Variants in TPST1 observed in about 807,000 individuals in gnomAD.
TPST1 encodes the protein protein-tyrosine sulfotransferase 1.
A neutral mutation model predicts 34.8 loss-of-function variants in TPST1; 20 were observed. That is an observed-to-expected ratio of 0.57 (90% confidence interval 0.40 to 0.84). The LOEUF (loss-of-function observed/expected upper bound fraction) is 0.84. Ranked by LOEUF, TPST1 falls within the 40% of genes least tolerant of loss-of-function variation. TPST1 has a pLI of 0.00. For missense variants in TPST1, 353 were observed against 455.5 expected, an observed-to-expected ratio of 0.78 and a Z score of 2.05; for synonymous variants, 152 against 159.4, an observed-to-expected ratio of 0.95 and a Z score of 0.35.
At chr7:66,293,622 A>G (rs1381372374) in intron 3 of TPST1, among the ~76,000 whole-genome samples, 2 of 152,222 alleles carry the variant, frequency 1.3e-5, no homozygotes, top group Non-Finnish European at 2.9e-5. Context: ...TATTTTGCTC[A>G]GTTTCTAGGA....
chr7:66,222,755 G>A (rs1257333186), intron 1 of TPST1, among the ~76,000 whole-genome samples: 1 of 152,074 alleles, frequency 6.6e-6, no homozygotes, highest in Non-Finnish European at 1.5e-5. Context: ...GGGAGGTGAA[G>A]GTAAAGGTGG....
At chr7:66,325,785 G>C (rs1297868173) in intron 3 of TPST1, among the ~76,000 whole-genome samples, 1 of 151,500 alleles carries the variant, frequency 6.6e-6, no homozygotes, top group African/African-American at 2.4e-5. Context: ...ACAGGCACCC[G>C]CCTCCATGCC....
At chr7:66,352,791 A>G in intron 4 of TPST1, 1 of 985,386 alleles carries the variant, frequency 1.0e-6, no homozygotes, top group South Asian at 4.7e-5. Flanking sequence ...AAAACCAGGG[A>G]AATACTTTAT....
At position 66,219,411 on chromosome 7, in the gene TPST1, C is replaced by T. The variant is rs997976871; in HGVS notation, c.-102+13889C>T. Among the ~76,000 whole-genome samples the T allele has an allele frequency of 2.2e-4, 34 of 152,218 alleles. 1 individual carries two copies. The highest frequency in any genetic ancestry group is 6.7e-4 in the African/African-American group (28 of 41,528). On this transcript the variant is annotated intron_variant, in intron 1 of 5. Coordinates refer to ENST00000304842, the MANE Select transcript of TPST1 (RefSeq NM_003596.4). Reference sequence around the variant, plus strand: ...ATTTGCCAGGCTACTTTCTAGCCTCCGTATATATCTGTTATTTCTTGAGTC... The same window carrying T: ...ATTTGCCAGGCTACTTTCTAGCCTCTGTATATATCTGTTATTTCTTGAGTC...
chr7:66,278,983 C>G (rs543625768), intron 2 of TPST1, among the ~76,000 whole-genome samples: 1 of 152,104 alleles, frequency 6.6e-6, no homozygotes, highest in East Asian at 1.9e-4. Flanking sequence ...GGTTTGCTAC[C>G]GGTAAATTGT....
At chr7:66,225,882 T>C (rs1789644802) in intron 1 of TPST1, among the ~76,000 whole-genome samples, 1 of 151,814 alleles carries the variant, frequency 6.6e-6, no homozygotes, top group Non-Finnish European at 1.5e-5. Flanking sequence ...ACCTGTTTTG[T>C]TTTTGTTTTT....
At chr7:66,244,346 T>C (rs1169585614) in intron 2 of TPST1, among the ~76,000 whole-genome samples, 1 of 152,216 alleles carries the variant, frequency 6.6e-6, no homozygotes, top group Non-Finnish European at 1.5e-5. Context: ...GGTTTGAAGA[T>C]GTCACCAGAT....
At position 66,352,539 on chromosome 7, in the gene TPST1, T is replaced by C. The variant is rs753987727; in HGVS notation, c.1079T>C (p.Leu360Pro). The C allele has an allele frequency of 1.2e-6, 2 of 1,613,038 alleles. No homozygotes were observed. Among genetic ancestry groups the C allele is most frequent in the Non-Finnish European group, 1.7e-6 (2 of 1,179,746 alleles). Residue 360 changes from leucine (L) to proline (P), a missense_variant, in exon 4 of 6, where the codon CTT becomes CCT. By Grantham distance (98) the Leu-to-Pro change is moderately conservative. Coordinates refer to ENST00000304842, the MANE Select transcript of TPST1 (RefSeq NM_003596.4). ...GGAGAATTCCAACTACCTGACTTTC[T>C]TAAAGAAAAACCACAGGTACTGTGT... Reference protein sequence around the residue: ...YKGEFQLPDFLKEKPQTEQVE With the variant: ...YKGEFQLPDFPKEKPQTEQVE
chr7:66,282,985 G>A (rs919294851), intron 2 of TPST1, among the ~76,000 whole-genome samples: 1 of 151,978 alleles, frequency 6.6e-6, no homozygotes, highest in Admixed American at 6.6e-5. Context: ...ACCATACCAC[G>A]TGGCTGGGCA....
chr7:66,326,602 C>T (rs1288026556), intron 3 of TPST1, among the ~76,000 whole-genome samples: 3 of 152,154 alleles, frequency 2.0e-5, no homozygotes, highest in Non-Finnish European at 2.9e-5. Flanking sequence ...TAAACTTCCC[C>T]CCACCAGGAA....
chr7:66,227,677 T>G (rs1187084777), intron 1 of TPST1, among the ~76,000 whole-genome samples: 1 of 151,802 alleles, frequency 6.6e-6, no homozygotes, highest in East Asian at 1.9e-4. Context: ...TGGTAGTGGA[T>G]GTGTTGAGAA....
intron 3 of TPST1, among the ~76,000 whole-genome samples, chr7:66,308,659 TC>T (rs1387006079): frequency 2.0e-5 from 3 of 152,162 alleles, no homozygotes; most frequent in African/African-American, 4.8e-5. Flanking sequence ...TTTTCATCCT[TC>T]CCTTGGGTTC....
chr7:66,272,341 A>T (rs1790719786), intron 2 of TPST1, among the ~76,000 whole-genome samples: 2 of 152,220 alleles, frequency 1.3e-5, no homozygotes, highest in Non-Finnish European at 2.9e-5. Flanking sequence ...AATGCGATAT[A>T]CCACATTTAC....
chr7:66,282,351 A>C (rs1387013984), intron 2 of TPST1, among the ~76,000 whole-genome samples: 1 of 152,198 alleles, frequency 6.6e-6, no homozygotes, highest in African/African-American at 2.4e-5. Flanking sequence ...TTTCTGTTGT[A>C]AGCATTGAGC....
At chr7:66,219,598 A>G (rs982598275) in intron 1 of TPST1, among the ~76,000 whole-genome samples, 1 of 152,214 alleles carries the variant, frequency 6.6e-6, no homozygotes, top group African/African-American at 2.4e-5. Context: ...GGTGGTCATG[A>G]TAGGACAATT....
intron 2 of TPST1, among the ~76,000 whole-genome samples, chr7:66,241,765 C>T (rs1790041425): frequency 6.6e-6 from 1 of 152,212 alleles, no homozygotes; most frequent in Non-Finnish European, 1.5e-5. Context: ...AAAATAAAAG[C>T]TTCGTCTAAC....
intron 2 of TPST1, among the ~76,000 whole-genome samples, chr7:66,253,364 C>T (rs964351085): frequency 7.3e-5 from 11 of 150,092 alleles, no homozygotes; most frequent in East Asian, 2.0e-4. Context: ...TTAGTGAGAT[C>T]GCTTTCTTTT....
rs576546461 is a variant in TPST1, at chr7:66,315,498, A to G, written c.1044+28789A>G. ...GCCAAAGGACAAGAAAGCCTGGGTG[A>G]TGCAATCTGGAGAGCTTGACCTCCT... On this transcript the variant is annotated intron_variant, in intron 3 of 5. Coordinates refer to ENST00000304842, the MANE Select transcript of TPST1 (RefSeq NM_003596.4). 2.6e-5 allele frequency among the ~76,000 whole-genome samples: 4 copies of G among 152,340 alleles called. No homozygotes were observed. In the South Asian group the frequency reaches 8.3e-4, roughly 32 times the overall value.
chr7:66,203,039 C>T (rs1789048443), upstream of TPST1, among the ~76,000 whole-genome samples: 1 of 152,068 alleles, frequency 6.6e-6, no homozygotes, highest in Non-Finnish European at 1.5e-5. Flanking sequence ...TCATACATAC[C>T]ATTGCACTCC....
Sources: gnomAD v4.1 joint callset for allele counts (sites outside exome capture counted in the v4.1 genomes callset) on GRCh38, gnomAD v4.1.1 for gene constraint, MANE v1.5 for transcripts, NCBI Gene and HGNC (gene_info 2026-07-23, HGNC 2026-07-21) for gene names.